The following STK32B variants were observed in gnomAD, a reference collection of about 807,000 sequenced individuals.
The protein encoded by STK32B is serine/threonine-protein kinase 32B.
A neutral mutation model predicts 52.6 loss-of-function variants in STK32B; 43 were observed. The ratio of observed to expected loss-of-function variants is 0.82; its 90% CI spans 0.64 to 1.05. The LOEUF (loss-of-function observed/expected upper bound fraction) is 1.05. STK32B is among the 50% of genes least tolerant of loss of function. The pLI is 0.00. For missense variants in STK32B, 621 were observed against 534.6 expected (o/e 1.16, Z -1.59); for synonymous variants, 238 against 204.3 (o/e 1.17, Z -1.41).
intron 8 of STK32B, among the ~76,000 whole-genome samples, chr4:5,459,653 C>A (rs1192304479): frequency 6.6e-6 from 1 of 152,194 alleles, no homozygotes; most frequent in African/African-American, 2.4e-5. Flanking sequence ...ACAAATGAGG[C>A]CACTTCATTA....
chr4:5,428,227 G>T (rs1713260442), intron 6 of STK32B, among the ~76,000 whole-genome samples: 5 of 152,122 alleles, frequency 3.3e-5, no homozygotes, highest in Admixed American at 3.3e-4. Flanking sequence ...TTAACACAGT[G>T]AAACCCCGTC....
At position 5,317,384 on chromosome 4, in the gene STK32B, CATATATATA is replaced by C. The variant is rs1731132833; in HGVS notation, c.261-13824_261-13816del. Among the ~76,000 whole-genome samples, 5 of 69,524 alleles carry C rather than the reference CATATATATA, an allele frequency of 7.2e-5. No individual in the cohort carries two copies. The South Asian group carries it at 1.5e-3, about 21-fold the overall frequency. 45.6% of individuals were successfully genotyped at this position (69,524 alleles called of 152,430 possible). A position where few individuals can be genotyped will look rare whatever the true frequency, so the allele number is the denominator to read the frequency against. ...TAATGTATATGTATTATATATATTA[CATATATATA>C]ATATATATAATGTATATGTATTATA... On this transcript the variant is annotated intron_variant, in intron 3 of 11. Transcript: ENST00000282908.
At chr4:5,318,838 C>T (rs971479380) in intron 3 of STK32B, among the ~76,000 whole-genome samples, 5 of 151,172 alleles carry the variant, frequency 3.3e-5, no homozygotes, top group Admixed American at 6.6e-5. Context: ...CTTGCTCTGT[C>T]GCCCACACTG....
intron 3 of STK32B, among the ~76,000 whole-genome samples, chr4:5,317,029 TG>T (rs1730982801): frequency 5.0e-5 from 2 of 40,076 alleles, no homozygotes; most frequent in Non-Finnish European, 7.0e-5. Flanking sequence ...ATAATATATA[TG>T]ATATAATATA....
chr4:5,069,969 A>G (rs1711649683), intron 1 of STK32B, among the ~76,000 whole-genome samples: 2 of 152,190 alleles, frequency 1.3e-5, no homozygotes, highest in South Asian at 4.1e-4. Context: ...CAATGGCTTC[A>G]TCATACAGTG....
intron 3 of STK32B, among the ~76,000 whole-genome samples, chr4:5,235,959 G>A (rs1231049010): frequency 1.3e-5 from 2 of 152,140 alleles, no homozygotes; most frequent in African/African-American, 2.4e-5. Flanking sequence ...TTCCACATGG[G>A]GGACCAGCAG....
intron 3 of STK32B, among the ~76,000 whole-genome samples, chr4:5,302,483 C>T (rs938616630): frequency 3.3e-5 from 5 of 152,050 alleles, no homozygotes; most frequent in Non-Finnish European, 4.4e-5. Flanking sequence ...CTTCTGAAAT[C>T]GTCTGCATAT....
chr4:5,429,099 C>T (rs907310517), intron 6 of STK32B, among the ~76,000 whole-genome samples: 5 of 152,178 alleles, frequency 3.3e-5, no homozygotes, highest in African/African-American at 1.2e-4. Flanking sequence ...GGAAGAGATG[C>T]TAACAGTATG....
intron 6 of STK32B, among the ~76,000 whole-genome samples, chr4:5,424,783 T>C (rs1181666119): frequency 1.2e-5 from 1 of 86,260 alleles, no homozygotes; most frequent in Non-Finnish European, 2.8e-5. Flanking sequence ...CAAACAGGGC[T>C]GAAATATGCC....
At chr4:5,093,308 G>A (rs1275870281) in intron 1 of STK32B, among the ~76,000 whole-genome samples, 1 of 152,132 alleles carries the variant, frequency 6.6e-6, no homozygotes, top group Non-Finnish European at 1.5e-5. Context: ...GAAGTCAAAA[G>A]AAACGTAAAC....
At chr4:5,281,592 G>T (rs571644266) in intron 3 of STK32B, among the ~76,000 whole-genome samples, 1 of 152,106 alleles carries the variant, frequency 6.6e-6, no homozygotes, top group South Asian at 2.1e-4. Context: ...ATGTATCCCA[G>T]AACTTAAAAT....
At chr4:5,340,067 T>C (rs1732973040) in intron 4 of STK32B, among the ~76,000 whole-genome samples, 1 of 152,178 alleles carries the variant, frequency 6.6e-6, no homozygotes, top group African/African-American at 2.4e-5. Flanking sequence ...CAAAACAAAT[T>C]GTTTTAAAGC....
At chr4:5,104,429 A>C (rs1223935686) in intron 1 of STK32B, among the ~76,000 whole-genome samples, 1 of 152,244 alleles carries the variant, frequency 6.6e-6, no homozygotes, top group Non-Finnish European at 1.5e-5. Context: ...TATTAGCAGC[A>C]TAAGAACAGA....
intron 6 of STK32B, chr4:5,437,841 C>G (rs948369646): frequency 1.1e-6 from 1 of 886,798 alleles, no homozygotes; most frequent in African/African-American, 1.8e-5. Flanking sequence ...AGTTCTCTCA[C>G]GTCTAAGTGC....
intron 3 of STK32B, among the ~76,000 whole-genome samples, chr4:5,313,050 A>G (rs1016751112): frequency 6.6e-6 from 1 of 151,858 alleles, no homozygotes; most frequent in African/African-American, 2.4e-5. Flanking sequence ...TAGCTCATGA[A>G]TATAGATGCA....
In STK32B at chr4:5,159,879, T is replaced by C. The variant is rs369317152; in HGVS notation, c.109-8420T>C. On this transcript the variant is annotated intron_variant, in intron 2 of 11. Transcript: ENST00000282908. ...AGCTGCCAAATGCAAATCTTTAGGA[T>C]GAACAGTCAGGCTGGAGACGCAGGA... Among the ~76,000 whole-genome samples, 88 of 151,814 alleles carry C rather than the reference T, an allele frequency of 5.8e-4. No homozygotes were observed. The Middle Eastern group carries it at 0.014, about 24-fold the overall frequency.
At chr4:5,129,656 A>G (rs1192025580) in intron 1 of STK32B, among the ~76,000 whole-genome samples, 6 of 152,168 alleles carry the variant, frequency 3.9e-5, no homozygotes, top group African/African-American at 1.2e-4. Flanking sequence ...AGGAACTGAC[A>G]TATCTCTTGT....
At chr4:5,446,562 AAAAC>A in intron 6 of STK32B, 107 bp from the exon 7 acceptor site, 1 of 998,572 alleles carries the variant, frequency 1.0e-6, no homozygotes. Context: ...ATCTCAAAAA[AAAAC>A]AAAAAAAAAA....
At chr4:5,300,780 A>G (rs994712418) in intron 3 of STK32B, among the ~76,000 whole-genome samples, 12 of 152,324 alleles carry the variant, frequency 7.9e-5, no homozygotes, top group African/African-American at 2.9e-4. Context: ...TGCTGAAAGA[A>G]ATCATAGATG....
Sources: allele counts gnomAD v4.1 joint callset (sites outside exome capture counted in the v4.1 genomes callset), GRCh38; gene constraint gnomAD v4.1.1; transcripts MANE v1.5; gene names NCBI Gene and HGNC (gene_info 2026-07-23, HGNC 2026-07-21).